Variants in PTGFRN observed in about 807,000 individuals in gnomAD.
PTGFRN encodes prostaglandin F2 receptor inhibitor.
Under a neutral mutation model 83.2 loss-of-function variants are expected in PTGFRN, and 35 were observed. That is an observed-to-expected ratio of 0.42 (90% CI 0.32 to 0.56). The LOEUF (loss-of-function observed/expected upper bound fraction) is 0.56. PTGFRN is among the 20% of genes least tolerant of loss of function. PTGFRN has a pLI of 0.11. For synonymous variants in PTGFRN, 519 were observed against 498.6 expected (o/e 1.04, Z -0.55); for missense variants, 1,051 against 1,179.5 (o/e 0.89, Z 1.60).
intron 1 of PTGFRN, among the ~76,000 whole-genome samples, chr1:116,940,062 TC>T (rs2101062370): frequency 6.6e-6 from 1 of 152,324 alleles, no homozygotes; most frequent in African/African-American, 2.4e-5. Flanking sequence ...TCCCACGTTT[TC>T]CTGGGAACCC....
intron 1 of PTGFRN, among the ~76,000 whole-genome samples, chr1:116,935,019 G>A (rs1649887025): frequency 6.6e-6 from 1 of 152,084 alleles, no homozygotes; most frequent in Non-Finnish European, 1.5e-5. Flanking sequence ...TTGTTTCCCC[G>A]TATTGTGAAA....
chr1:116,936,749 C>T (rs2806879), intron 1 of PTGFRN, among the ~76,000 whole-genome samples: 22,364 of 152,078 alleles, frequency 0.15, 2,878 homozygotes, highest in African/African-American at 0.35. Flanking sequence ...AAGTGGTATC[C>T]ATGAGCCAGA....
At chr1:116,951,699 C>T (rs186121462) in intron 4 of PTGFRN, among the ~76,000 whole-genome samples, 22 of 152,144 alleles carry the variant, frequency 1.4e-4, no homozygotes, top group Admixed American at 1.0e-3. Flanking sequence ...CTCCTCCTTC[C>T]CTGTGCCTAT....
At chr1:116,960,657 G>A (rs996121099) in intron 4 of PTGFRN, among the ~76,000 whole-genome samples, 9 of 152,166 alleles carry the variant, frequency 5.9e-5, no homozygotes, top group Admixed American at 3.9e-4. Context: ...CACAGATTCC[G>A]CAGAAAAAGT....
intron 8 of PTGFRN, among the ~76,000 whole-genome samples, chr1:116,985,701 C>G (rs1159674969): frequency 1.4e-5 from 2 of 137,946 alleles, no homozygotes; most frequent in South Asian, 2.5e-4. Flanking sequence ...ATGGGATACT[C>G]CATCTCAAAA....
At chr1:116,972,636 A>G (rs1330546377) in intron 6 of PTGFRN, among the ~76,000 whole-genome samples, 1 of 152,308 alleles carries the variant, frequency 6.6e-6, no homozygotes, top group East Asian at 1.9e-4. Flanking sequence ...TTAACTTCTA[A>G]TGAGTTTTAC....
chr1:116,944,972 C>G lies in PTGFRN; in HGVS notation c.712C>G (p.Leu238Val). 6 of 1,613,814 alleles carry G rather than the reference C, an allele frequency of 3.7e-6. No homozygotes were observed. The highest frequency in any genetic ancestry group is 5.1e-6 in the Non-Finnish European group (6 of 1,180,024). Residue 238 changes from leucine to valine, a missense_variant, in exon 3 of 9, where the codon CTG (leucine) becomes GTG (valine). Transcript: ENST00000393203. Reference sequence around the variant, plus strand: ...CTACCGCCTCTCAGTGTCCCGGGCTCTGTCTGCCGACCAGGGCTCCTACAG... The same window carrying G: ...CTACCGCCTCTCAGTGTCCCGGGCTGTGTCTGCCGACCAGGGCTCCTACAG... Reference protein sequence around the residue: ...DAYRLSVSRALSADQGSYRCI... With the variant: ...DAYRLSVSRAVSADQGSYRCI...
chr1:116,970,078 A>T (rs1194562135), intron 6 of PTGFRN, among the ~76,000 whole-genome samples: 1 of 152,198 alleles, frequency 6.6e-6, no homozygotes. Flanking sequence ...CAAGCTGAAT[A>T]TCTTCTATTT....
intron 4 of PTGFRN, 98 bp downstream of exon 4, chr1:116,949,670 C>T: frequency 6.8e-7 from 1 of 1,462,738 alleles, no homozygotes; most frequent in Non-Finnish European, 9.1e-7. Context: ...CTTTGCATGA[C>T]TTCGACATTA....
In PTGFRN at chr1:116,958,466, C is replaced by A. The variant is rs1650557742; in HGVS notation, c.1214-2777C>A. On this transcript the variant is annotated intron_variant, in intron 4 of 8. Transcript: ENST00000393203. This position sits in a 1 kb window ranked among gnomAD's most constrained non-coding sequence, Gnocchi z 4.9. Reference sequence around the variant, plus strand: ...GAAGACAGGGCTCCGTTCCCATCTGCCACTTTTGAACTGTGTGGCCAAGTC... The same window carrying A: ...GAAGACAGGGCTCCGTTCCCATCTGACACTTTTGAACTGTGTGGCCAAGTC... 1.3e-5 allele frequency among the ~76,000 whole-genome samples: 2 copies of A among 152,190 alleles called. No individual in the cohort carries two copies. Among genetic ancestry groups the A allele is most frequent in the African/African-American group, 4.8e-5 (2 of 41,448 alleles).
intron 5 of PTGFRN, among the ~76,000 whole-genome samples, chr1:116,966,147 C>G (rs1466805223): frequency 1.3e-5 from 2 of 152,232 alleles, no homozygotes; most frequent in African/African-American, 4.8e-5. Context: ...CTTCCAAGTG[C>G]CTGACGTTGT....
rs1052929667 is a variant in PTGFRN, at chr1:116,961,112, T to A, written c.1214-131T>A. 4.9e-6 allele frequency: 5 copies of A among 1,024,000 alleles called. No individual in the cohort carries two copies. The highest frequency in any genetic ancestry group is 3.4e-5 in the Admixed American group (1 of 29,560). The allele number at this position is 1,024,000 out of a possible 1,614,324, so 63.4% of individuals were successfully genotyped here. On this transcript the variant is annotated intron_variant, in intron 4 of 8. Coordinates refer to ENST00000393203, the MANE Select transcript of PTGFRN (RefSeq NM_020440.4). The surrounding 1 kb of genome is among the most constrained non-coding windows in gnomAD (Gnocchi z 5.4). ...CCTATCCAATGCAACGACTGATTTC[T>A]GTCTCTCTAGTCCGGCAGGAGAAGC...
At chr1:116,979,980 A>G (rs1651265338) in intron 7 of PTGFRN, among the ~76,000 whole-genome samples, 1 of 152,182 alleles carries the variant, frequency 6.6e-6, no homozygotes, top group African/African-American at 2.4e-5. Flanking sequence ...CATCTGACAA[A>G]GGGCTAATAT....
chr1:116,949,523 A>T lies in PTGFRN; in HGVS notation c.1164A>T (p.Lys388Asn). The change falls in exon 4 of 9, where the codon AAA (lysine) becomes AAT (asparagine). Residue 388 changes from lysine to asparagine, a missense_variant. Lys to Asn is a moderately conservative substitution (Grantham distance 94, BLOSUM62 0). Coordinates refer to ENST00000393203, the MANE Select transcript of PTGFRN (RefSeq NM_020440.4). ...WAPGHNRSWHKVAEAVSSPAG... is the reference protein window; with the variant it reads ...WAPGHNRSWHNVAEAVSSPAG... ...CCGGACACAACAGGAGCTGGCACAA[A>T]GTGGCAGAGGCCGTGTCTTCCCCAG... 6.2e-7 allele frequency: 1 copy of T among 1,614,102 alleles called. No homozygotes were observed. Among genetic ancestry groups the T allele is most frequent in the Non-Finnish European group, 8.5e-7 (1 of 1,180,046 alleles).
chr1:116,956,619 T>C (rs1305024643), intron 4 of PTGFRN, among the ~76,000 whole-genome samples: 1 of 151,790 alleles, frequency 6.6e-6, no homozygotes, highest in African/African-American at 2.4e-5. Flanking sequence ...CTGAGTGGAG[T>C]TGAGAAGGCA....
chr1:116,922,625 C>T (rs994896250), intron 1 of PTGFRN, among the ~76,000 whole-genome samples: 1 of 152,144 alleles, frequency 6.6e-6, no homozygotes, highest in East Asian at 1.9e-4. Flanking sequence ...ATTCCAGCAC[C>T]GAGTTAGCTC....
chr1:116,948,790 C>CAGAT (rs1202343639), intron 3 of PTGFRN, among the ~76,000 whole-genome samples: 3 of 152,180 alleles, frequency 2.0e-5, no homozygotes, highest in Non-Finnish European at 4.4e-5. Flanking sequence ...TTTCTAAAGG[C>CAGAT]AGATAGCCTG....
chr1:116,935,822 A>G (rs1018735792), intron 1 of PTGFRN, among the ~76,000 whole-genome samples: 18 of 152,204 alleles, frequency 1.2e-4, no homozygotes, highest in African/African-American at 4.1e-4. Flanking sequence ...CTGGTATTAA[A>G]TTTTAATGGA....
chr1:116,941,032 A>C lies in PTGFRN; in HGVS notation c.50-683A>C, dbSNP rs572917808. 1.3e-5 allele frequency among the ~76,000 whole-genome samples: 2 copies of C among 152,332 alleles called. No individual in the cohort carries two copies. The highest frequency in any genetic ancestry group is 3.9e-4 in the East Asian group (2 of 5,192). On this transcript the variant is annotated intron_variant, in intron 1 of 8. Coordinates refer to ENST00000393203, the MANE Select transcript of PTGFRN (RefSeq NM_020440.4). The surrounding 1 kb of genome is among the most constrained non-coding windows in gnomAD (Gnocchi z 5.0). ...CTTATACCCGGCAACCAGCTGCTGC[A>C]TTCCTAAGAACACCCAGCAACCAAC... is the stretch of plus-strand genomic sequence containing the variant.
Sources: allele counts gnomAD v4.1 joint callset (sites outside exome capture counted in the v4.1 genomes callset), GRCh38; gene constraint gnomAD v4.1.1; non-coding constraint Gnocchi (gnomAD v3.1); transcripts MANE v1.5; gene names NCBI Gene and HGNC (gene_info 2026-07-23, HGNC 2026-07-21).